Variants in GALNT13 observed in about 807,000 individuals in gnomAD.
The protein encoded by GALNT13 is UDP-GalNAc:polypeptide N-acetylgalactosaminyltransferase 13.
GALNT13 carries 28 observed loss-of-function variants against 64.2 expected under a neutral mutation model. That is an observed-to-expected ratio of 0.44 (90% CI 0.32 to 0.60). The LOEUF is 0.60. Ranked by LOEUF, GALNT13 falls within the 20% of genes least tolerant of loss-of-function variation. The pLI, the probability that GALNT13 is intolerant of heterozygous loss-of-function variation, is 0.05. For synonymous variants in GALNT13, 214 were observed against 224.6 expected (o/e 0.95, Z 0.42); for missense variants, 577 against 669.8 (o/e 0.86, Z 1.53).
intron 9 of GALNT13, among the ~76,000 whole-genome samples, chr2:154,391,042 C>CGGAGA (rs1698766624): frequency 6.6e-6 from 1 of 152,208 alleles, no homozygotes; most frequent in Non-Finnish European, 1.5e-5. Context: ...CCTCTGCTGT[C>CGGAGA]TATCTTTAGA....
chr2:153,168,428 A>C, the GALNT13 span, among the ~76,000 whole-genome samples: 1 of 152,170 alleles, frequency 6.6e-6, no homozygotes, highest in Non-Finnish European at 1.5e-5. Flanking sequence ...ATAATTGACA[A>C]AAAAGTTATA....
the GALNT13 span, among the ~76,000 whole-genome samples, chr2:153,269,484 G>A: frequency 3.9e-5 from 6 of 152,106 alleles, no homozygotes; most frequent in South Asian, 2.1e-4. Flanking sequence ...CAACACTTTG[G>A]TCAAAACCAT....
At chr2:153,300,090 T>C in the GALNT13 span, among the ~76,000 whole-genome samples, 2 of 152,196 alleles carry the variant, frequency 1.3e-5, no homozygotes, top group Non-Finnish European at 2.9e-5. Flanking sequence ...TAATGTGTTC[T>C]CAAATTACTG....
At chr2:154,387,587 GCCTGTAGCCTGTGGTAAC>G (rs1340945680) in intron 9 of GALNT13, among the ~76,000 whole-genome samples, 1 of 152,016 alleles carries the variant, frequency 6.6e-6, no homozygotes, top group Non-Finnish European at 1.5e-5. Context: ...CCCTCCTCAT[GCCTGTAGCCTGTGGTAAC>G]CATCATTCTA....
At chr2:153,463,034 T>C in the GALNT13 span, among the ~76,000 whole-genome samples, 1 of 152,112 alleles carries the variant, frequency 6.6e-6, no homozygotes, top group African/African-American at 2.4e-5. Flanking sequence ...AAGACATTTC[T>C]CTAAAAATGT....
the GALNT13 span, among the ~76,000 whole-genome samples, chr2:153,103,898 A>G: frequency 1.3e-5 from 2 of 152,168 alleles, no homozygotes; most frequent in African/African-American, 4.8e-5. Context: ...TTGTGGTTTT[A>G]GTGAAAATAT....
At chr2:154,121,515 A>T (rs1397175394) in intron 3 of GALNT13, among the ~76,000 whole-genome samples, 1 of 152,166 alleles carries the variant, frequency 6.6e-6, no homozygotes, top group Non-Finnish European at 1.5e-5. Flanking sequence ...GTAGTCTAAC[A>T]TATATAGATT....
intron 8 of GALNT13, among the ~76,000 whole-genome samples, chr2:154,279,352 C>G (rs1691832843): frequency 6.6e-6 from 1 of 152,000 alleles, no homozygotes; most frequent in Non-Finnish European, 1.5e-5. Context: ...GACTTTCTTT[C>G]CTAAAATGGA....
intron 1 of GALNT13, among the ~76,000 whole-genome samples, chr2:153,894,049 G>A (rs901381335): frequency 6.6e-6 from 1 of 152,064 alleles, no homozygotes; most frequent in Non-Finnish European, 1.5e-5. Context: ...GAAGACAGAA[G>A]AGCCAATATT....
At chr2:153,538,348 T>A in the GALNT13 span, among the ~76,000 whole-genome samples, 2 of 136,208 alleles carry the variant, frequency 1.5e-5, no homozygotes, top group Admixed American at 1.5e-4. Context: ...TTTTTTACTT[T>A]TTTATTTATT....
At chr2:153,890,403 A>G (rs1687473704) in intron 1 of GALNT13, among the ~76,000 whole-genome samples, 1 of 151,990 alleles carries the variant, frequency 6.6e-6, no homozygotes, top group South Asian at 2.1e-4. Context: ...TGATCTCATG[A>G]TATACTTGGC....
chr2:154,001,916 C>T (rs745973660), intron 3 of GALNT13, among the ~76,000 whole-genome samples: 9 of 152,084 alleles, frequency 5.9e-5, no homozygotes, highest in Middle Eastern at 3.4e-3. Flanking sequence ...TGAAGGATAG[C>T]TTTTCTGGGT....
At chr2:154,343,285 A>G (rs914038573) in intron 9 of GALNT13, among the ~76,000 whole-genome samples, 50 of 152,188 alleles carry the variant, frequency 3.3e-4, no homozygotes, top group Non-Finnish European at 7.1e-4. Context: ...ACCTGCCTCA[A>G]GAGATGGGAG....
At chr2:153,478,084 A>AT in the GALNT13 span, 1 of 649,814 alleles carries the variant, frequency 1.5e-6, no homozygotes, top group Non-Finnish European at 2.6e-6. Flanking sequence ...AGGGCGAGGG[A>AT]GAAACCGGTC....
At chr2:154,238,037 C>T (rs1435859845) in intron 4 of GALNT13, among the ~76,000 whole-genome samples, 1 of 151,936 alleles carries the variant, frequency 6.6e-6, no homozygotes, top group Non-Finnish European at 1.5e-5. Flanking sequence ...AATGTTGGCA[C>T]CACCAAGGAT....
chr2:154,183,908 A>C (rs1189794107), intron 4 of GALNT13, among the ~76,000 whole-genome samples: 1 of 151,770 alleles, frequency 6.6e-6, no homozygotes, highest in Non-Finnish European at 1.5e-5. Flanking sequence ...TTTGAAATGG[A>C]AAGTTAAGTT....
intron 9 of GALNT13, among the ~76,000 whole-genome samples, chr2:154,374,999 T>C (rs1383368716): frequency 6.6e-6 from 1 of 152,166 alleles, no homozygotes; most frequent in African/African-American, 2.4e-5. Flanking sequence ...AATTTTGTTG[T>C]TGTTGTTGAG....
intron 3 of GALNT13, among the ~76,000 whole-genome samples, chr2:154,039,881 A>G (rs1194281306): frequency 7.1e-6 from 1 of 140,350 alleles, no homozygotes; most frequent in African/African-American, 2.4e-5. Flanking sequence ...TATGCTCCAT[A>G]TATATGTACA....
intron 9 of GALNT13, among the ~76,000 whole-genome samples, chr2:154,370,409 G>A (rs1416193789): frequency 6.6e-6 from 1 of 152,124 alleles, no homozygotes; most frequent in Non-Finnish European, 1.5e-5. Context: ...AACTAGTTAA[G>A]ACTACTTCAC....
Sources: gnomAD v4.1 joint callset for allele counts (sites outside exome capture counted in the v4.1 genomes callset) on GRCh38, gnomAD v4.1.1 for gene constraint, MANE v1.5 for transcripts, NCBI Gene and HGNC (gene_info 2026-07-23, HGNC 2026-07-21) for gene names.